The following PLEKHO1 variants were observed in gnomAD, a reference collection of about 807,000 sequenced individuals.
The protein encoded by PLEKHO1 is pleckstrin homology domain-containing family O member 1.
A neutral mutation model predicts 41.4 loss-of-function variants in PLEKHO1; 22 were observed. That is an observed-to-expected ratio of 0.53 (90% CI 0.38 to 0.76). The LOEUF is 0.76. PLEKHO1 is among the 30% of genes least tolerant of loss of function. PLEKHO1 has a pLI of 0.00. For synonymous variants in PLEKHO1, 225 were observed against 210.8 expected, an observed-to-expected ratio of 1.07 and a Z score of -0.58; for missense variants, 488 against 518.3, an observed-to-expected ratio of 0.94 and a Z score of 0.57.
chr1:150,155,945 T>TC, intron 2 of PLEKHO1, 121 bp from the exon 3 acceptor site: 1 of 874,224 alleles, frequency 1.1e-6, no homozygotes, highest in South Asian at 1.6e-5. Flanking sequence ...GGCCCTCTCC[T>TC]CTCCTGGCGT....
At chr1:150,158,767 G>T (rs1030124227) in intron 5 of PLEKHO1, 52 bp from the exon 6 acceptor site, 5 of 1,314,364 alleles carry the variant, frequency 3.8e-6, no homozygotes, top group Admixed American at 4.3e-5. Flanking sequence ...CAGTCATTCC[G>T]AAAATCCCTC....
In PLEKHO1 at chr1:150,159,493, G is replaced by C; in HGVS notation, c.1200G>C (p.Pro400=). 1 of 1,611,684 alleles carries C rather than the reference G, an allele frequency of 6.2e-7. No individual in the cohort carries two copies. The highest frequency in any genetic ancestry group is 8.5e-7 in the Non-Finnish European group (1 of 1,178,508). Residue 400 remains proline (P), a synonymous_variant, in exon 6 of 6, where the codon CCG becomes CCC. Coordinates refer to ENST00000369124, the MANE Select transcript of PLEKHO1 (RefSeq NM_016274.6). ...ACTCCCACCTCAGACAGACCACCCCGCACAGTCAGTACCGGAAGAGCCTGA... is the reference window on the plus strand; with the variant it reads ...ACTCCCACCTCAGACAGACCACCCCCCACAGTCAGTACCGGAAGAGCCTGA... ...TPDSHLRQTT[P]HSQYRKSLM
intron 2 of PLEKHO1, chr1:150,155,293 C>T (rs1345062711): frequency 1.3e-5 from 2 of 152,094 alleles, no homozygotes; most frequent in African/African-American, 4.8e-5. Flanking sequence ...TTTTCCAAGT[C>T]TAAAGTGTAG....
intron 2 of PLEKHO1, among the ~76,000 whole-genome samples, chr1:150,151,636 A>T (rs1392923667): frequency 1.5e-5 from 1 of 64,750 alleles, no homozygotes; most frequent in African/African-American, 5.9e-5. Context: ...CCCCACCCCC[A>T]CCCCATTTAA....
rs782383790 is a variant in PLEKHO1, at chr1:150,156,084, A to G, written c.196A>G (p.Ile66Val). 1 of 1,613,582 alleles carries G rather than the reference A, an allele frequency of 6.2e-7. No individual in the cohort carries two copies. Among genetic ancestry groups the G allele is most frequent in the Non-Finnish European group, 8.5e-7 (1 of 1,179,652 alleles). The change falls in exon 3 of 6, where the codon ATT becomes GTT. Residue 66 changes from isoleucine to valine, a missense_variant. Physicochemically the swap from Ile to Val is conservative, Grantham distance 29. This residue lies in a region of PLEKHO1 where 92 missense variants were observed against 82.3 expected (regional missense o/e 1.12). Transcript: ENST00000369124. ...CCCCTAGGTAAAAGATGAGAAAAAT[A>G]TTCAAGAGGTATTTGACCTGAGTGA... ...SEKEVKDEKN[I>V]QEVFDLSDYE...
In PLEKHO1 at chr1:150,157,425, G is replaced by A. The variant is rs373255269; in HGVS notation, c.464G>A (p.Arg155Gln). The A allele has an allele frequency of 1.9e-6, 3 of 1,614,002 alleles. No homozygotes were observed. The highest frequency in any genetic ancestry group is 2.2e-5 in the South Asian group (2 of 91,086). ...GACAGCTATCTTGCCCATCCCACTC[G>A]AGACAGGGCAAAAATCCAGCACTCC... ...EEDSYLAHPTRDRAKIQHSRR... is the reference protein window; with the variant it reads ...EEDSYLAHPTQDRAKIQHSRR... The change falls in exon 5 of 6, where the codon CGA (arginine) becomes CAA (glutamine). Residue 155 changes from arginine (R) to glutamine (Q), a missense_variant. Around this residue, in one of 3 missense-constraint regions of PLEKHO1, gnomAD observed 59 missense variants for 111.5 expected, o/e 0.53. Transcript: ENST00000369124.
rs1376299147 is a variant in PLEKHO1, at chr1:150,156,331, C to T, written c.318+125C>T. 6.4e-6 allele frequency: 5 copies of T among 779,616 alleles called. No individual in the cohort carries two copies. The African/African-American group carries it at 8.7e-5, about 14-fold the overall frequency. 48.3% of individuals were successfully genotyped at this position (779,616 alleles called of 1,614,324 possible). A position where few individuals can be genotyped will look rare whatever the true frequency, so the allele number is the denominator to read the frequency against. On this transcript the variant is annotated intron_variant, in intron 3 of 5. Transcript: ENST00000369124. ...TCAGATTCCCTGAATTGCTCTCCTGCTGGCTTTTATCATTTCACCTGAGAA... is the reference window on the plus strand; with the variant it reads ...TCAGATTCCCTGAATTGCTCTCCTGTTGGCTTTTATCATTTCACCTGAGAA...
Position 150,159,575 on chromosome 1 carries a change from G to T in PLEKHO1, c.*52G>T. The T allele has an allele frequency of 2.5e-6, 3 of 1,221,082 alleles. No individual in the cohort carries two copies. Among genetic ancestry groups the T allele is most frequent in the Non-Finnish European group, 3.4e-6 (3 of 879,340 alleles). 75.6% of individuals were successfully genotyped at this position (1,221,082 alleles called of 1,614,324 possible). A position where few individuals can be genotyped will look rare whatever the true frequency, so the allele number is the denominator to read the frequency against. ...GGGTTGGACAGACTCTTATCTCCGT[G>T]TTGCTGGATAAAGCTTTTTTATTTA... On this transcript the variant is annotated 3_prime_UTR_variant, in exon 6 of 6. Coordinates refer to ENST00000369124, the MANE Select transcript of PLEKHO1 (RefSeq NM_016274.6).
Position 150,151,799 on chromosome 1 carries a change from C to T in PLEKHO1, c.177+741C>T, listed in dbSNP as rs587672404. ...AACCACAGTCTACACTGTGTCAAGACCTGAGCTATGATAATTGAATCCAGA... is the reference window on the plus strand; with the variant it reads ...AACCACAGTCTACACTGTGTCAAGATCTGAGCTATGATAATTGAATCCAGA... On this transcript the variant is annotated intron_variant, in intron 2 of 5. Transcript: ENST00000369124. Among the ~76,000 whole-genome samples, 4 of 152,332 alleles carry T rather than the reference C, an allele frequency of 2.6e-5. No homozygotes were observed. In the East Asian group the frequency reaches 7.7e-4, roughly 29 times the overall value.
intron 5 of PLEKHO1, among the ~76,000 whole-genome samples, chr1:150,158,582 G>A (rs587619152): frequency 1.3e-5 from 2 of 151,834 alleles, no homozygotes; most frequent in African/African-American, 2.4e-5. Context: ...CCAGCTACTC[G>A]GGAGGCTGAG....
chr1:150,152,170 C>T (rs1365936369), intron 2 of PLEKHO1, among the ~76,000 whole-genome samples: 1 of 152,150 alleles, frequency 6.6e-6, no homozygotes, highest in Non-Finnish European at 1.5e-5. Flanking sequence ...CACCCTGAGA[C>T]AAAGTACTCA....
intron 2 of PLEKHO1, chr1:150,152,792 C>G (rs2101684980): frequency 6.6e-6 from 1 of 151,358 alleles, no homozygotes; most frequent in Non-Finnish European, 1.5e-5. Context: ...GGAGAACTTC[C>G]TACACATCAA....
rs920692936 is a variant in PLEKHO1, at chr1:150,159,810, C to T, written c.*287C>T. The T allele has an allele frequency of 1.2e-4, 33 of 285,754 alleles. No homozygotes were observed. The highest frequency in any genetic ancestry group is 1.9e-4 in the Non-Finnish European group (28 of 150,696). 17.7% of individuals were successfully genotyped at this position (285,754 alleles called of 1,614,324 possible). ...GACACAGTCTGACCACTCCACACACCGCCCGCCCCCAAGACGGCACAGGGA... is the reference window on the plus strand; with the variant it reads ...GACACAGTCTGACCACTCCACACACTGCCCGCCCCCAAGACGGCACAGGGA... On this transcript the variant is annotated 3_prime_UTR_variant, in exon 6 of 6. Transcript: ENST00000369124.
At chr1:150,157,296 T>A in intron 4 of PLEKHO1, 89 bp from the exon 5 acceptor site, 1 of 965,132 alleles carries the variant, frequency 1.0e-6, no homozygotes, top group Non-Finnish European at 1.7e-6. Context: ...AAGCAGTGAA[T>A]GGAGTGGGCA....
intron 2 of PLEKHO1, chr1:150,152,688 T>TGA (rs1659992913): frequency 1.2e-4 from 9 of 74,026 alleles, no homozygotes; most frequent in African/African-American, 4.1e-4. Flanking sequence ...CTTTCTAAAT[T>TGA]AAAAAAAAAA....
rs1343428860 is a variant in PLEKHO1 at position 150,159,013 on chromosome 1, C to T, written c.720C>T (p.Leu240=). The T allele has an allele frequency of 6.2e-7, 1 of 1,614,164 alleles. No homozygotes were observed. The highest frequency in any genetic ancestry group is 2.2e-5 in the East Asian group (1 of 44,874). ...CCTCCGCAGACCGGGCAAGCAGTCT[C>T]TCCCGACCTTGGGAAAAAACAGACA... ...IQPSADRASS[L]SRPWEKTDKG... is the part of the protein sequence containing the mutation. Residue 240 remains leucine (L), a synonymous_variant, in exon 6 of 6, where the codon CTC becomes CTT. Coordinates refer to ENST00000369124, the MANE Select transcript of PLEKHO1 (RefSeq NM_016274.6).
intron 3 of PLEKHO1, 125 bp from the exon 4 acceptor site, chr1:150,156,786 G>A: frequency 1.5e-6 from 1 of 676,276 alleles, no homozygotes; most frequent in Non-Finnish European, 2.7e-6. Flanking sequence ...GACTCTGGAA[G>A]CAGAATATCT....
intron 2 of PLEKHO1, chr1:150,155,779 G>A (rs1210903411): frequency 1.3e-5 from 4 of 308,570 alleles, no homozygotes; most frequent in African/African-American, 2.2e-5. Flanking sequence ...GAGTGGGGCG[G>A]TTGGTGAAGA....
intron 3 of PLEKHO1, 40 bp from the exon 4 acceptor site, chr1:150,156,871 C>G (rs1418691261): frequency 5.0e-6 from 6 of 1,209,082 alleles, no homozygotes; most frequent in Non-Finnish European, 7.4e-6. Flanking sequence ...GAGGCACCAC[C>G]TCTAAAACCC....
Sources: gnomAD v4.1 joint callset for allele counts (sites outside exome capture counted in the v4.1 genomes callset) on GRCh38, gnomAD v4.1.1 for gene constraint, gnomAD v4.1.1 regional missense constraint, MANE v1.5 for transcripts, NCBI Gene and HGNC (gene_info 2026-07-23, HGNC 2026-07-21) for gene names.